The following ZZEF1 variants were observed in gnomAD, a reference collection of about 807,000 sequenced individuals.
ZZEF1 encodes the protein zinc finger ZZ-type and EF-hand domain-containing protein 1.
A neutral mutation model predicts 342.8 loss-of-function variants in ZZEF1; 157 were observed. The observed-to-expected ratio is 0.46, with a 90% confidence interval of 0.40 to 0.52. ZZEF1 has a LOEUF of 0.52. Among genes scored for constraint, ZZEF1 ranks in the 20% least tolerant of loss-of-function variants. The probability of loss-of-function intolerance (pLI) is 0.00; values close to 1 mark genes in which losing one functional copy is unlikely to be tolerated. For missense variants in ZZEF1, 3,480 were observed against 3,725.6 expected (o/e 0.93, Z 1.72); for synonymous variants, 1,505 against 1,429.1 (o/e 1.05, Z -1.20).
chr17:4,010,993 G>A (rs941272172), intron 52 of ZZEF1, among the ~76,000 whole-genome samples: 1 of 151,954 alleles, frequency 6.6e-6, no homozygotes, highest in African/African-American at 2.4e-5. Flanking sequence ...AGAGGCTGAG[G>A]TGGAAGGATC....
Position 4,121,304 on chromosome 17 carries a change from T to C in ZZEF1, c.499+2603A>G, listed in dbSNP as rs531566571. ...CTGGTAATGCAAAAGTGGAGTAGTA[T>C]GTAAACGCTAAGATAAAAGCTAGCT... On this transcript the variant is annotated intron_variant, in intron 2 of 54. Coordinates refer to ENST00000381638, the MANE Select transcript of ZZEF1 (RefSeq NM_015113.4). Among the ~76,000 whole-genome samples, 9 of 152,308 alleles carry C rather than the reference T, an allele frequency of 5.9e-5. No homozygotes were observed. In the South Asian group the frequency reaches 1.7e-3, roughly 28 times the overall value.
intron 32 of ZZEF1, among the ~76,000 whole-genome samples, chr17:4,057,292 G>T (rs1454890762): frequency 6.6e-6 from 1 of 152,200 alleles, no homozygotes; most frequent in Non-Finnish European, 1.5e-5. Context: ...GCTGAGGTTC[G>T]TGAACTAAAG....
rs192654025 is a variant in ZZEF1, at chr17:4,011,683, T to C, written c.8579+1766A>G. Among the ~76,000 whole-genome samples the C allele has an allele frequency of 1.3e-3, 202 of 152,234 alleles. 1 individual carries two copies. Among genetic ancestry groups the C allele is most frequent in the African/African-American group, 4.5e-3 (189 of 41,550 alleles). ...TATATGGCCATATATAATTATATAA[T>C]ATTGGATTTTGCTTTTTTTTAAAAA... On this transcript the variant is annotated intron_variant, in intron 52 of 54. Coordinates refer to ENST00000381638, the MANE Select transcript of ZZEF1 (RefSeq NM_015113.4).
intron 13 of ZZEF1, among the ~76,000 whole-genome samples, chr17:4,088,219 T>C (rs1418840769): frequency 6.6e-6 from 1 of 152,214 alleles, no homozygotes; most frequent in Non-Finnish European, 1.5e-5. Flanking sequence ...TATTACTGAC[T>C]GTAAGAGTCA....
intron 32 of ZZEF1, chr17:4,056,949 C>G (rs1018118241): frequency 9.2e-5 from 14 of 152,170 alleles, no homozygotes; most frequent in African/African-American, 3.4e-4. Context: ...TGTAAATTTC[C>G]ATAATTTCAG....
intron 2 of ZZEF1, among the ~76,000 whole-genome samples, chr17:4,119,213 C>T (rs1458646082): frequency 6.6e-6 from 1 of 152,212 alleles, no homozygotes; most frequent in Non-Finnish European, 1.5e-5. Context: ...ATCGGAGTCA[C>T]CACTTGGTTA....
At chr17:4,102,886 C>CA (rs199885754) in intron 8 of ZZEF1, among the ~76,000 whole-genome samples, 2,117 of 148,634 alleles carry the variant, frequency 0.014, 46 homozygotes, top group African/African-American at 0.049. Context: ...TTGGCTTTGG[C>CA]AAAAAAAAAT....
chr17:4,142,663 C>G lies in ZZEF1; in HGVS notation c.233G>C (p.Gly78Ala). The G allele has an allele frequency of 6.2e-7, 1 of 1,607,572 alleles. No homozygotes were observed. Among genetic ancestry groups the G allele is most frequent in the Non-Finnish European group, 8.5e-7 (1 of 1,179,724 alleles). The change falls in exon 1 of 55, where the codon GGC (glycine) becomes GCC (alanine). Residue 78 changes from glycine to alanine, a missense_variant. Gly to Ala is a moderately conservative substitution (Grantham distance 60). This residue lies in a region of ZZEF1 where 416 missense variants were observed against 374.2 expected (regional missense o/e 1.11). Coordinates refer to ENST00000381638, the MANE Select transcript of ZZEF1 (RefSeq NM_015113.4). ...PCESLVSRHR[G>A]ALFRWLEERL... ...CTCTTCCAGCCAGCGAAACAACGCG[C>G]CGCGATGCCTCGACACCAGCGACTC...
Position 4,074,239 on chromosome 17 carries a change from GCAACATCGGGCAGCCCA to G in ZZEF1, c.3579_3595del (p.Gly1194ArgfsTer34). 1 of 1,614,126 alleles carries G rather than the reference GCAACATCGGGCAGCCCA, an allele frequency of 6.2e-7. No homozygotes were observed. The highest frequency in any genetic ancestry group is 8.5e-7 in the Non-Finnish European group (1 of 1,180,034). ...CTGTAAATCCAGCCCCCAAGACACG[GCAACATCGGGCAGCCCA>G]CAGGCAGTGACAGTGAATTTGTAGC... On this transcript the variant is annotated frameshift_variant, in exon 24 of 55. Transcript: ENST00000381638. LOFTEE classifies it high-confidence loss of function.
At chr17:4,093,389 G>A (rs545993798) in intron 11 of ZZEF1, among the ~76,000 whole-genome samples, 3 of 152,342 alleles carry the variant, frequency 2.0e-5, no homozygotes, top group African/African-American at 7.2e-5. Flanking sequence ...CATTACAAAT[G>A]TGGATTTCAA....
chr17:4,048,891 T>G (rs1314460813), intron 37 of ZZEF1, among the ~76,000 whole-genome samples: 1 of 149,414 alleles, frequency 6.7e-6, no homozygotes, highest in Admixed American at 6.7e-5. Context: ...TTTTTTTTTT[T>G]GTATTTTTAG....
intron 2 of ZZEF1, among the ~76,000 whole-genome samples, chr17:4,121,767 G>T (rs1376552367): frequency 4.0e-5 from 6 of 151,716 alleles, no homozygotes; most frequent in African/African-American, 1.5e-4. Context: ...TCTATCACAG[G>T]GATGGAGTAC....
At chr17:4,133,139 G>A (rs2058696169) in intron 1 of ZZEF1, among the ~76,000 whole-genome samples, 4 of 152,176 alleles carry the variant, frequency 2.6e-5, no homozygotes, top group African/African-American at 9.7e-5. Context: ...AAGGTCTGAG[G>A]AGATTAGCAC....
chr17:4,091,757 A>T lies in ZZEF1; in HGVS notation c.1914-927T>A, dbSNP rs144511346. Among the ~76,000 whole-genome samples the T allele has an allele frequency of 2.2e-4, 33 of 151,904 alleles. 1 individual carries two copies. The East Asian group carries it at 4.1e-3, about 19-fold the overall frequency. The stretch of plus-strand genomic sequence containing the variant: ...ACGCCATTGCACTCCAGCCTGGGTG[A>T]CAGAGCAAGGCTCCATCTCAAAAAA... On this transcript the variant is annotated intron_variant, in intron 11 of 54. Coordinates refer to ENST00000381638, the MANE Select transcript of ZZEF1 (RefSeq NM_015113.4).
At chr17:4,029,080 C>T (rs2056479556) in intron 42 of ZZEF1, among the ~76,000 whole-genome samples, 1 of 152,176 alleles carries the variant, frequency 6.6e-6, no homozygotes, top group African/African-American at 2.4e-5. Flanking sequence ...AGTAAGGGCA[C>T]AGAAGACTTG....
In ZZEF1 at chr17:4,025,043, G is replaced by A. The variant is rs1163398765; in HGVS notation, c.6968C>T (p.Ser2323Phe). The A allele has an allele frequency of 6.2e-7, 1 of 1,614,192 alleles. No homozygotes were observed. Among genetic ancestry groups the A allele is most frequent in the Non-Finnish European group, 8.5e-7 (1 of 1,180,030 alleles). Residue 2323 changes from serine to phenylalanine, a missense_variant, in exon 43 of 55, where the codon TCC becomes TTC. Ser to Phe is a radical substitution (Grantham distance 155). Around this residue, in one of 5 missense-constraint regions of ZZEF1, gnomAD observed 1,269 missense variants for 1,342.4 expected, o/e 0.95. Transcript: ENST00000381638. Reference protein sequence around the residue: ...GDSRAQLSQYSQHFAFIASHL... With the variant: ...GDSRAQLSQYFQHFAFIASHL... Reference sequence around the variant, plus strand: ...ACTGGCGATAAAGGCAAAGTGCTGGGAGTACTGGCTCAGCTGGGCCCGAGA... The same window carrying A: ...ACTGGCGATAAAGGCAAAGTGCTGGAAGTACTGGCTCAGCTGGGCCCGAGA...
At chr17:4,063,159 G>A (rs1456775967) in intron 29 of ZZEF1, among the ~76,000 whole-genome samples, 2 of 152,150 alleles carry the variant, frequency 1.3e-5, no homozygotes, top group East Asian at 3.8e-4. Flanking sequence ...TTAACTTAAC[G>A]AATTAAAAAG....
chr17:4,009,239 G>C, intron 53 of ZZEF1: 1 of 565,148 alleles, frequency 1.8e-6, no homozygotes. Context: ...AAAGAACTCT[G>C]AAAGGCCCTT....
At position 4,117,127 on chromosome 17, in the gene ZZEF1, T is replaced by C. The variant is rs371226804; in HGVS notation, c.539A>G (p.Asp180Gly). Reference sequence around the variant, plus strand: ...GCGCAGTATCATTGACGAGTGAATATCAAGGCCCTCCTTCGACTCTGAAAA... The same window carrying C: ...GCGCAGTATCATTGACGAGTGAATACCAAGGCCCTCCTTCGACTCTGAAAA... ...DIFSESKEGL[D>G]IHSSMILRFL... Residue 180 changes from aspartate (D) to glycine (G), a missense_variant, in exon 3 of 55, where the codon GAT (aspartate) becomes GGT (glycine). Asp to Gly is a moderately conservative substitution (Grantham distance 94, BLOSUM62 -1). Around this residue, in one of 5 missense-constraint regions of ZZEF1, gnomAD observed 416 missense variants for 374.2 expected, o/e 1.11. Coordinates refer to ENST00000381638, the MANE Select transcript of ZZEF1 (RefSeq NM_015113.4). The C allele has an allele frequency of 2.8e-5, 45 of 1,613,652 alleles. No individual in the cohort carries two copies. The African/African-American group carries it at 5.6e-4, about 20-fold the overall frequency.
Sources: gnomAD v4.1 joint callset for allele counts (sites outside exome capture counted in the v4.1 genomes callset) on GRCh38, gnomAD v4.1.1 for gene constraint, gnomAD v4.1.1 regional missense constraint, MANE v1.5 for transcripts, NCBI Gene and HGNC (gene_info 2026-07-23, HGNC 2026-07-21) for gene names.